MYO16: variants seen among roughly 807,000 people sequenced by gnomAD.
The protein encoded by MYO16 is unconventional myosin-XVI.
In MYO16, 94 loss-of-function variants were observed where a neutral mutation model predicts 205.3. The observed-to-expected ratio is 0.46, with a 90% confidence interval of 0.39 to 0.54. MYO16 has a LOEUF of 0.54. Among genes scored for constraint, MYO16 ranks in the 20% least tolerant of loss-of-function variants. The pLI is 0.00. For missense variants in MYO16, 2,315 were observed against 2,387.5 expected (o/e 0.97, Z 0.63); for synonymous variants, 988 against 954.0 (o/e 1.04, Z -0.66).
intron 12 of MYO16, among the ~76,000 whole-genome samples, chr13:108,877,434 T>C (rs776917817): frequency 3.3e-5 from 5 of 152,214 alleles, no homozygotes; most frequent in African/African-American, 4.8e-5. Flanking sequence ...CCTGTAAACA[T>C]AGAAATACTT....
At chr13:108,869,879 T>C (rs1022323299) in intron 12 of MYO16, among the ~76,000 whole-genome samples, 2 of 151,024 alleles carry the variant, frequency 1.3e-5, no homozygotes, top group Non-Finnish European at 2.9e-5. Context: ...CCTGAAACAA[T>C]AATAATTTTC....
chr13:108,903,024 C>T (rs1018465700), intron 15 of MYO16, among the ~76,000 whole-genome samples: 12 of 152,148 alleles, frequency 7.9e-5, no homozygotes, highest in Admixed American at 4.6e-4. Context: ...ACGATGTCTC[C>T]GCTACCCACC....
intron 4 of MYO16, among the ~76,000 whole-genome samples, chr13:108,737,770 C>T (rs973507140): frequency 6.6e-6 from 1 of 152,118 alleles, no homozygotes; most frequent in South Asian, 2.1e-4. Context: ...TAGTCCTGGA[C>T]CTTTTTTGGT....
intron 4 of MYO16, among the ~76,000 whole-genome samples, chr13:108,778,283 C>T (rs1233250634): frequency 6.6e-6 from 1 of 152,194 alleles, no homozygotes; most frequent in East Asian, 1.9e-4. Context: ...CAAGCTGCTT[C>T]CCCTGGCGAG....
At chr13:109,194,278 G>A (rs375490545) in intron 34 of MYO16, among the ~76,000 whole-genome samples, 5 of 152,104 alleles carry the variant, frequency 3.3e-5, no homozygotes, top group Middle Eastern at 3.4e-3. Flanking sequence ...TGATTGACAC[G>A]GAAAACTTTT....
intron 7 of MYO16, 33 bp from the exon 8 acceptor site, chr13:108,820,304 T>C: frequency 6.7e-7 from 1 of 1,491,596 alleles, no homozygotes; most frequent in Non-Finnish European, 9.2e-7. Context: ...TCTGCCATGG[T>C]GGTTCCCATT....
intron 32 of MYO16, among the ~76,000 whole-genome samples, chr13:109,142,131 C>G (rs79127115): frequency 1.5e-4 from 23 of 152,240 alleles, no homozygotes; most frequent in Non-Finnish European, 2.9e-4. Context: ...ACGTTTTTTG[C>G]CAGTCTTTTG....
At chr13:108,581,143 A>T in the MYO16 span, among the ~76,000 whole-genome samples, 53,276 of 151,952 alleles carry the variant, frequency 0.35, 10,617 homozygotes, top group Non-Finnish European at 0.44. Flanking sequence ...TTAGGATATT[A>T]TTTTTGAGTA....
intron 16 of MYO16, among the ~76,000 whole-genome samples, chr13:108,925,117 G>C (rs1881933004): frequency 6.6e-6 from 1 of 152,118 alleles, no homozygotes. Flanking sequence ...CAGAGCCAAG[G>C]GAAGTTGAAG....
In MYO16 at chr13:109,207,012, G is replaced by C; in HGVS notation, c.*176G>C. The C allele has an allele frequency of 1.7e-6, 1 of 588,064 alleles. No individual in the cohort carries two copies. Among genetic ancestry groups the C allele is most frequent in the Non-Finnish European group, 3.0e-6 (1 of 333,250 alleles). 36.4% of individuals were successfully genotyped at this position (588,064 alleles called of 1,614,324 possible). The stretch of plus-strand genomic sequence containing the variant: ...CGTGTGTGTGTGTGTGTGTTTGTGT[G>C]TGTGTGTGTGGGTTCTTTCTTATCC... On this transcript the variant is annotated 3_prime_UTR_variant, in exon 35 of 35. Coordinates refer to ENST00000457511, the MANE Select transcript of MYO16 (RefSeq NM_001198950.3).
In MYO16 at chr13:109,206,870, T is replaced by C. The variant is rs1433686302; in HGVS notation, c.*34T>C. The C allele has an allele frequency of 1.3e-6, 2 of 1,577,120 alleles. No homozygotes were observed. The highest frequency in any genetic ancestry group is 1.7e-6 in the Non-Finnish European group (2 of 1,152,028). ...GAACTGCAGACTTACAAAATAGAAC[T>C]GCCTACTGATTCCGGGCTGCAACAA... On this transcript the variant is annotated 3_prime_UTR_variant, in exon 35 of 35. Transcript: ENST00000457511.
intron 21 of MYO16, among the ~76,000 whole-genome samples, chr13:109,006,812 G>T (rs1344418719): frequency 6.6e-6 from 1 of 152,170 alleles, no homozygotes. Context: ...CTGTAAAACT[G>T]AGTAAGCTCA....
chr13:108,585,080 A>G, the MYO16 span, among the ~76,000 whole-genome samples: 36,620 of 152,080 alleles, frequency 0.24, 4,656 homozygotes, highest in East Asian at 0.39. Context: ...CATTATATTT[A>G]TTAACTCTTA....
At chr13:108,917,954 G>A (rs752121261) in intron 16 of MYO16, among the ~76,000 whole-genome samples, 6 of 152,182 alleles carry the variant, frequency 3.9e-5, no homozygotes, top group Non-Finnish European at 8.8e-5. Flanking sequence ...TGATTTCCCC[G>A]TGTTGCAGAC....
chr13:109,029,112 CTTTTTT>C (rs200871485), intron 23 of MYO16, among the ~76,000 whole-genome samples: 2 of 98,410 alleles, frequency 2.0e-5, no homozygotes, highest in African/African-American at 8.0e-5. Context: ...TTTTTCTTTT[CTTTTTT>C]TTTTTTTTTT....
intron 7 of MYO16, 102 bp downstream of exon 7, chr13:108,806,906 T>C: frequency 2.2e-6 from 2 of 915,568 alleles, no homozygotes; most frequent in Admixed American, 3.7e-5. Context: ...CTAATCATTA[T>C]TGTAATTTGA....
At chr13:108,986,116 T>G (rs1245918035) in intron 20 of MYO16, among the ~76,000 whole-genome samples, 2 of 152,098 alleles carry the variant, frequency 1.3e-5, no homozygotes. Context: ...TGAGACTTAT[T>G]CACTATCATG....
intron 13 of MYO16, chr13:108,886,405 G>T: frequency 2.2e-6 from 1 of 456,082 alleles, no homozygotes; most frequent in Non-Finnish European, 4.4e-6. Flanking sequence ...CCTTAGCTCG[G>T]CTACGTCCAG....
chr13:108,718,294 A>T (rs1432944057), intron 3 of MYO16, among the ~76,000 whole-genome samples: 2 of 152,030 alleles, frequency 1.3e-5, no homozygotes, highest in Non-Finnish European at 2.9e-5. Context: ...CTGCCCACCC[A>T]CCTGGACATT....
Sources: gnomAD v4.1 joint callset for allele counts (sites outside exome capture counted in the v4.1 genomes callset) on GRCh38, gnomAD v4.1.1 for gene constraint, MANE v1.5 for transcripts, NCBI Gene and HGNC (gene_info 2026-07-23, HGNC 2026-07-21) for gene names.